DMD: variants seen among roughly 807,000 people sequenced by gnomAD.
DMD encodes the protein mutant dystrophin.
A neutral mutation model predicts 330.1 loss-of-function variants in DMD; 63 were observed. That is an observed-to-expected ratio of 0.19 (90% CI 0.16 to 0.24). The LOEUF is 0.24. Ranked by LOEUF, DMD falls within the 10% of genes least tolerant of loss-of-function variation. The pLI, the probability that DMD is intolerant of heterozygous loss-of-function variation, is 1.00. For synonymous variants in DMD, 1,223 were observed against 959.8 expected, an observed-to-expected ratio of 1.27 and a Z score of -5.07; for missense variants, 3,344 against 2,684.1, an observed-to-expected ratio of 1.25 and a Z score of -5.43.
At chrX:31,673,124 A>G (rs1373852578) in intron 53 of DMD, among the ~76,000 whole-genome samples, 2 of 111,724 alleles carry the variant, frequency 1.8e-5, no homozygotes, top group Non-Finnish European at 3.8e-5. Flanking sequence ...CCTGGTCTAC[A>G]CTCTCTGGTG....
chrX:33,193,897 A>G (rs927612527), intron 1 of DMD, among the ~76,000 whole-genome samples: 1 of 111,404 alleles, frequency 9.0e-6, no homozygotes, highest in African/African-American at 3.3e-5. Flanking sequence ...AAACACATTT[A>G]TAAAACTTCT....
At chrX:32,433,467 C>G (rs916719547) in intron 29 of DMD, among the ~76,000 whole-genome samples, 1 of 111,983 alleles carries the variant, frequency 8.9e-6, no homozygotes, top group African/African-American at 3.2e-5. Context: ...AACCTGAGGT[C>G]AGGTGTTTGA....
At chrX:32,711,480 G>C (rs770698316) in intron 7 of DMD, among the ~76,000 whole-genome samples, 3 of 111,639 alleles carry the variant, frequency 2.7e-5, no homozygotes, top group African/African-American at 3.2e-5. Flanking sequence ...CCCTTGATTA[G>C]GAAAGCTTTC....
intron 42 of DMD, among the ~76,000 whole-genome samples, chrX:32,289,881 G>A (rs1418699211): frequency 8.9e-6 from 1 of 111,772 alleles, no homozygotes; most frequent in Non-Finnish European, 1.9e-5. Flanking sequence ...AGTATCCTGA[G>A]TCAAGCAGCC....
intron 43 of DMD, among the ~76,000 whole-genome samples, chrX:32,235,883 A>G (rs1422812628): frequency 9.0e-6 from 1 of 111,471 alleles, no homozygotes; most frequent in Admixed American, 9.6e-5. Context: ...GTATTAAAAA[A>G]TAAGAATTTC....
At chrX:32,534,124 C>T (rs928044945) in intron 17 of DMD, among the ~76,000 whole-genome samples, 2 of 112,124 alleles carry the variant, frequency 1.8e-5, no homozygotes, top group Admixed American at 9.4e-5. Flanking sequence ...ATACCATAGA[C>T]TGGGTGGCTT....
At chrX:32,713,954 A>C (rs2065430789) in intron 7 of DMD, among the ~76,000 whole-genome samples, 1 of 112,143 alleles carries the variant, frequency 8.9e-6, no homozygotes, top group African/African-American at 3.2e-5. Context: ...ATACTTTGGC[A>C]AAACCATCTA....
intron 1 of DMD, among the ~76,000 whole-genome samples, chrX:33,068,561 C>G (rs1261107240): frequency 8.9e-6 from 1 of 112,143 alleles, no homozygotes; most frequent in Non-Finnish European, 1.9e-5. Flanking sequence ...GATATGGTAG[C>G]AAAACAACAG....
intron 60 of DMD, among the ~76,000 whole-genome samples, chrX:31,391,853 A>G (rs920929134): frequency 9.1e-6 from 1 of 110,324 alleles, no homozygotes; most frequent in African/African-American, 3.3e-5. Flanking sequence ...CCTGGGGGAG[A>G]GAGTGAGGCT....
intron 18 of DMD, among the ~76,000 whole-genome samples, chrX:32,514,604 G>A (rs897843441): frequency 1.8e-5 from 2 of 112,036 alleles, no homozygotes; most frequent in African/African-American, 3.2e-5. Flanking sequence ...AGCCGGGTGT[G>A]GTGGCGGGCG....
chrX:32,389,462 T>C, intron 32 of DMD, 39 bp downstream of exon 32: 1 of 1,193,134 alleles, frequency 8.4e-7, no homozygotes, highest in Middle Eastern at 2.3e-4. Flanking sequence ...ATGAGGAAAG[T>C]CAAGGGGTAC....
chrX:32,212,643 C>G (rs1201217238), intron 44 of DMD, among the ~76,000 whole-genome samples: 2 of 111,919 alleles, frequency 1.8e-5, no homozygotes, highest in Admixed American at 1.9e-4. Context: ...TGGATTGTCA[C>G]TGTTTTGGTG....
At chrX:31,507,758 G>C (rs1246820950) in intron 55 of DMD, among the ~76,000 whole-genome samples, 1 of 111,668 alleles carries the variant, frequency 9.0e-6, no homozygotes, top group Non-Finnish European at 1.9e-5. Flanking sequence ...TCTAGTCTAT[G>C]GACAAAATGT....
chrX:33,012,385 TTTAAG>T (rs1452447221), intron 2 of DMD, among the ~76,000 whole-genome samples: 1 of 111,723 alleles, frequency 9.0e-6, no homozygotes, highest in African/African-American at 3.2e-5. Context: ...ATAAAACTGT[TTTAAG>T]TTAATATTCA....
chrX:32,425,819 G>T (rs1438522509), intron 29 of DMD, among the ~76,000 whole-genome samples: 1 of 111,386 alleles, frequency 9.0e-6, no homozygotes, highest in African/African-American at 3.3e-5. Context: ...AGAATGGAAA[G>T]CCCAGAAATA....
chrX:31,706,738 T>C (rs758071110), intron 52 of DMD, among the ~76,000 whole-genome samples: 2 of 112,392 alleles, frequency 1.8e-5, no homozygotes, highest in Non-Finnish European at 3.8e-5. Context: ...TATGGTTTTC[T>C]CTTGGCTGGC....
intron 48 of DMD, among the ~76,000 whole-genome samples, chrX:31,845,463 G>T: frequency 1.1e-5 from 1 of 93,388 alleles, no homozygotes; most frequent in East Asian, 3.5e-4. Flanking sequence ...CAAGTTGATT[G>T]TATATACCAA....
chrX:31,356,254 A>G (rs1272653584), intron 60 of DMD, among the ~76,000 whole-genome samples: 2 of 111,663 alleles, frequency 1.8e-5, no homozygotes, highest in Admixed American at 9.5e-5. Flanking sequence ...ATCTGAGACC[A>G]TCCTTAATCT....
At chrX:31,192,347 T>C (rs1184171619) in intron 67 of DMD, among the ~76,000 whole-genome samples, 1 of 112,377 alleles carries the variant, frequency 8.9e-6, no homozygotes, top group African/African-American at 3.2e-5. Flanking sequence ...GTTTTACCTT[T>C]GAGTTACTGA....
Sources: gnomAD v4.1 joint callset for allele counts (sites outside exome capture counted in the v4.1 genomes callset) on GRCh38, gnomAD v4.1.1 for gene constraint, MANE v1.5 for transcripts, NCBI Gene and HGNC (gene_info 2026-07-23, HGNC 2026-07-21) for gene names.